The following GRID2 variants were observed in gnomAD, a reference collection of about 807,000 sequenced individuals.
The protein encoded by GRID2 is glutamate receptor ionotropic, delta-2.
Under a neutral mutation model 114.8 loss-of-function variants are expected in GRID2, and 33 were observed. That is an observed-to-expected ratio of 0.29 (90% CI 0.22 to 0.38). The LOEUF (loss-of-function observed/expected upper bound fraction) is 0.38, where lower values mean the gene tolerates loss of function less well. Among genes scored for constraint, GRID2 ranks in the 10% least tolerant of loss-of-function variants. The probability of loss-of-function intolerance (pLI) is 1.00; values close to 1 mark genes in which losing one functional copy is unlikely to be tolerated. For missense variants in GRID2, 1,184 were observed against 1,257.7 expected (o/e 0.94, Z 0.89); for synonymous variants, 505 against 449.9 (o/e 1.12, Z -1.55).
At chr4:93,727,971 G>A (rs1245695801) in intron 14 of GRID2, among the ~76,000 whole-genome samples, 1 of 152,000 alleles carries the variant, frequency 6.6e-6, no homozygotes, top group South Asian at 2.1e-4. Context: ...AGGGTTTTTT[G>A]TGTCTCTATG....
chr4:93,700,057 A>T (rs949344266), intron 14 of GRID2, among the ~76,000 whole-genome samples: 2 of 152,280 alleles, frequency 1.3e-5, no homozygotes, highest in East Asian at 1.9e-4. Flanking sequence ...CCCTAAAAAA[A>T]CAACAGGATC....
At chr4:92,412,750 T>G (rs1731400445) in intron 1 of GRID2, among the ~76,000 whole-genome samples, 1 of 152,188 alleles carries the variant, frequency 6.6e-6, no homozygotes, top group Non-Finnish European at 1.5e-5. Flanking sequence ...AGGCAGAAAC[T>G]CTGAATTGCT....
chr4:93,482,411 T>C (rs1725960622), intron 11 of GRID2, among the ~76,000 whole-genome samples: 1 of 151,920 alleles, frequency 6.6e-6, no homozygotes, highest in South Asian at 2.1e-4. Flanking sequence ...CTGGAAAACA[T>C]CATTCTCAGA....
intron 3 of GRID2, among the ~76,000 whole-genome samples, chr4:93,107,369 C>T (rs1265132843): frequency 6.6e-6 from 1 of 152,072 alleles, no homozygotes; most frequent in Non-Finnish European, 1.5e-5. Context: ...GTTACAGTCA[C>T]ATATCTAAGA....
intron 1 of GRID2, among the ~76,000 whole-genome samples, chr4:92,315,993 C>CAAAAAAAAAAAAAAAAAAAAAA (rs778361565): frequency 8.1e-5 from 5 of 61,916 alleles, no homozygotes; most frequent in African/African-American, 1.8e-4. Flanking sequence ...AAACAAAAAG[C>CAAAAAAAAAAAAAAAAAAAAAA]AAAAAAAAAA....
intron 2 of GRID2, among the ~76,000 whole-genome samples, chr4:92,590,996 C>T (rs1162072640): frequency 6.6e-6 from 1 of 152,064 alleles, no homozygotes; most frequent in Non-Finnish European, 1.5e-5. Flanking sequence ...AGCCTTGATC[C>T]AGAAAGCACT....
intron 1 of GRID2, among the ~76,000 whole-genome samples, chr4:93,795,587 G>A (rs1253146830): frequency 6.6e-6 from 1 of 151,832 alleles, no homozygotes; most frequent in East Asian, 1.9e-4. Context: ...TTTATTGCTT[G>A]GTATAATTTT....
intron 2 of GRID2, among the ~76,000 whole-genome samples, chr4:92,686,351 G>A (rs1218600134): frequency 6.6e-6 from 1 of 151,986 alleles, no homozygotes; most frequent in Non-Finnish European, 1.5e-5. Flanking sequence ...TGCTATTTCT[G>A]TTATGTGGGA....
intron 14 of GRID2, among the ~76,000 whole-genome samples, chr4:93,650,080 C>A (rs1033844308): frequency 2.0e-5 from 3 of 152,026 alleles, no homozygotes; most frequent in Non-Finnish European, 4.4e-5. Context: ...GGCCTTGATT[C>A]CTAGGCTCAC....
chr4:93,773,011 C>T lies in GRID2; in HGVS notation c.*513C>T, dbSNP rs1734224516. ...CAGTGTTTATAAAACAATTTTAAGACCATTCAGGCCACATAAGATGAGAAT... is the reference window on the plus strand; with the variant it reads ...CAGTGTTTATAAAACAATTTTAAGATCATTCAGGCCACATAAGATGAGAAT... On this transcript the variant is annotated 3_prime_UTR_variant, in exon 16 of 16. Coordinates refer to ENST00000282020, the MANE Select transcript of GRID2 (RefSeq NM_001510.4). The T allele has an allele frequency of 2.0e-5, 3 of 152,366 alleles. No homozygotes were observed. 9.4% of individuals were successfully genotyped at this position (152,366 alleles called of 1,614,324 possible).
At chr4:92,467,234 A>G (rs540879879) in intron 1 of GRID2, among the ~76,000 whole-genome samples, 1 of 152,038 alleles carries the variant, frequency 6.6e-6, no homozygotes, top group Non-Finnish European at 1.5e-5. Context: ...GTTGATTATA[A>G]CTTTAAGTTT....
intron 14 of GRID2, among the ~76,000 whole-genome samples, chr4:93,679,035 C>G (rs1007885276): frequency 6.6e-6 from 1 of 151,132 alleles, no homozygotes; most frequent in Non-Finnish European, 1.5e-5. Flanking sequence ...GGAAACCCAT[C>G]ACACATGCAG....
intron 4 of GRID2, among the ~76,000 whole-genome samples, chr4:93,118,085 TG>T (rs1733449122): frequency 6.6e-6 from 1 of 152,198 alleles, no homozygotes; most frequent in South Asian, 2.1e-4. Flanking sequence ...TCTATGACTC[TG>T]CAGGTAGAGG....
In GRID2 at chr4:93,167,674, G is replaced by A. The variant is rs557144613; in HGVS notation, c.736-39730G>A. On this transcript the variant is annotated intron_variant, in intron 4 of 15. Transcript: ENST00000282020. Reference sequence around the variant, plus strand: ...ACATAGTAACACATGTACTTTATTTGGATACTGATTCAAATGAGCTGCAAA... The same window carrying A: ...ACATAGTAACACATGTACTTTATTTAGATACTGATTCAAATGAGCTGCAAA... Among the ~76,000 whole-genome samples the A allele has an allele frequency of 5.9e-5, 9 of 152,058 alleles. No homozygotes were observed. The South Asian group carries it at 1.2e-3, about 21-fold the overall frequency.
At chr4:92,345,517 C>T (rs76340195) in intron 1 of GRID2, among the ~76,000 whole-genome samples, 15,524 of 152,152 alleles carry the variant, frequency 0.1, 1,000 homozygotes, top group Non-Finnish European at 0.15. Context: ...TTGGAAACTT[C>T]GTACTGTTTT....
intron 1 of GRID2, among the ~76,000 whole-genome samples, chr4:92,574,662 G>T (rs1454220847): frequency 4.6e-5 from 7 of 152,058 alleles, no homozygotes; most frequent in Admixed American, 3.9e-4. Flanking sequence ...TCCAATCTCT[G>T]GGTTTTAGGG....
chr4:93,224,455 A>C (rs1474782327), intron 6 of GRID2, among the ~76,000 whole-genome samples, 159 bp from the exon 7 acceptor site: 1 of 152,198 alleles, frequency 6.6e-6, no homozygotes, highest in Non-Finnish European at 1.5e-5. Flanking sequence ...CTCAATGACA[A>C]AATTGCCCAG....
At chr4:93,620,423 T>TG (rs1742105865) in intron 13 of GRID2, among the ~76,000 whole-genome samples, 2 of 152,150 alleles carry the variant, frequency 1.3e-5, no homozygotes, top group African/African-American at 4.8e-5. Context: ...CAAATCAAAA[T>TG]TGGTGAGATA....
chr4:92,376,168 G>T (rs144601385), intron 1 of GRID2, among the ~76,000 whole-genome samples: 1 of 151,822 alleles, frequency 6.6e-6, no homozygotes, highest in East Asian at 1.9e-4. Flanking sequence ...AAATTAGCCC[G>T]GTGTGTTGTC....
Sources: gnomAD v4.1 joint callset for allele counts (sites outside exome capture counted in the v4.1 genomes callset) on GRCh38, gnomAD v4.1.1 for gene constraint, MANE v1.5 for transcripts, NCBI Gene and HGNC (gene_info 2026-07-23, HGNC 2026-07-21) for gene names.